OPCML: variants seen among roughly 807,000 people sequenced by gnomAD.
OPCML encodes the protein opioid binding protein/cell adhesion molecule like.
In OPCML, 13 loss-of-function variants were observed where a neutral mutation model predicts 37.8. The ratio of observed to expected loss-of-function variants is 0.34; its 90% CI spans 0.22 to 0.55. OPCML has a LOEUF of 0.55. OPCML is among the 20% of genes least tolerant of loss of function. The pLI, the probability that OPCML is intolerant of heterozygous loss-of-function variation, is 0.91. For missense variants in OPCML, 341 were observed against 435.6 expected, an observed-to-expected ratio of 0.78 and a Z score of 1.93; for synonymous variants, 176 against 168.8, an observed-to-expected ratio of 1.04 and a Z score of -0.33.
At chr11:132,738,246 A>G (rs1565821816) in intron 2 of OPCML, among the ~76,000 whole-genome samples, 1 of 152,218 alleles carries the variant, frequency 6.6e-6, no homozygotes, top group Admixed American at 6.5e-5. Context: ...ACTCATGTCT[A>G]TTCTTTTGCA....
intron 3 of OPCML, among the ~76,000 whole-genome samples, chr11:132,544,699 A>G (rs2096364859): frequency 6.6e-6 from 1 of 152,176 alleles, no homozygotes; most frequent in Non-Finnish European, 1.5e-5. Flanking sequence ...CAACTACAAA[A>G]GAAGGCCACT....
At chr11:132,501,141 A>T (rs996148449) in intron 4 of OPCML, among the ~76,000 whole-genome samples, 1 of 152,218 alleles carries the variant, frequency 6.6e-6, no homozygotes, top group Non-Finnish European at 1.5e-5. Context: ...CTGTCTTCCT[A>T]TTTAACAAAT....
intron 1 of OPCML, among the ~76,000 whole-genome samples, chr11:133,271,219 A>C (rs188652738): frequency 2.8e-4 from 42 of 152,336 alleles, no homozygotes; most frequent in African/African-American, 8.4e-4. Context: ...GAGATTAAAA[A>C]GGGTAACATA....
Position 133,420,283 on chromosome 11 carries a change from G to A in OPCML, c.61+111981C>T, listed in dbSNP as rs75972767. 0.016 allele frequency: 16,180 copies of A among 985,168 alleles called. 1,289 individuals are homozygous for A. The African/African-American group carries it at 0.21, about 13-fold the overall frequency. 61.0% of individuals were successfully genotyped at this position (985,168 alleles called of 1,614,324 possible). A position where few individuals can be genotyped will look rare whatever the true frequency, so the allele number is the denominator to read the frequency against. On this transcript the variant is annotated intron_variant, in intron 1 of 7. Transcript: ENST00000524381. ...CACAGATCCAAAGATACTCCTGAAC[G>A]TCTTTGGCACGAAGTGCAAATTAAT...
At chr11:132,920,709 C>T (rs1055123308) in intron 2 of OPCML, among the ~76,000 whole-genome samples, 1 of 152,190 alleles carries the variant, frequency 6.6e-6, no homozygotes, top group Non-Finnish European at 1.5e-5. Context: ...TAATCTTTCG[C>T]ACTCCCTGAA....
rs985840492 is a variant in OPCML at position 133,173,457 on chromosome 11, C to T, written c.62-230447G>A. 4.6e-5 allele frequency among the ~76,000 whole-genome samples: 7 copies of T among 152,124 alleles called. No individual in the cohort carries two copies. The highest frequency in any genetic ancestry group is 1.3e-4 in the Admixed American group (2 of 15,264). ...TCGAGTGAACAAATAAATAAATGAG[C>T]AACCACTAGCCACAGATGGATTCCT... On this transcript the variant is annotated intron_variant, in intron 1 of 7. Transcript: ENST00000524381. The surrounding 1 kb of genome is among the most constrained non-coding windows in gnomAD (Gnocchi z 7.8).
rs1251972899 is a variant in OPCML at position 133,305,228 on chromosome 11, G to A, written c.61+227036C>T. ...AGCAGGCACAGTGACTGTCTTAGAG[G>A]GATGTAATGAACACTTATTATTATA... On this transcript the variant is annotated intron_variant, in intron 1 of 7. Transcript: ENST00000524381. Among the ~76,000 whole-genome samples, 4 of 152,276 alleles carry A rather than the reference G, an allele frequency of 2.6e-5. No homozygotes were observed. The South Asian group carries it at 6.2e-4, about 24-fold the overall frequency.
At chr11:132,923,043 C>T (rs1000574216) in intron 2 of OPCML, among the ~76,000 whole-genome samples, 4 of 151,406 alleles carry the variant, frequency 2.6e-5, no homozygotes, top group African/African-American at 9.7e-5. Context: ...CACTGCACTC[C>T]AGCCTGGGTG....
At chr11:133,290,340 G>C (rs1942442287) in intron 1 of OPCML, among the ~76,000 whole-genome samples, 1 of 152,154 alleles carries the variant, frequency 6.6e-6, no homozygotes, top group Non-Finnish European at 1.5e-5. Flanking sequence ...GCAGAGCGTG[G>C]TGCCTGTAAT....
At chr11:132,962,812 T>G (rs1207469446) in intron 1 of OPCML, among the ~76,000 whole-genome samples, 3 of 152,178 alleles carry the variant, frequency 2.0e-5, no homozygotes, top group Non-Finnish European at 4.4e-5. Context: ...GTCTTTGCTG[T>G]TTTTCGTACA....
At chr11:132,963,539 C>A (rs1034985103) in intron 1 of OPCML, among the ~76,000 whole-genome samples, 3 of 151,232 alleles carry the variant, frequency 2.0e-5, no homozygotes, top group Non-Finnish European at 2.9e-5. Context: ...TTGCAGTGAG[C>A]CAAGATCGTG....
At chr11:133,050,545 G>A (rs2136964348) in intron 1 of OPCML, among the ~76,000 whole-genome samples, 1 of 152,172 alleles carries the variant, frequency 6.6e-6, no homozygotes, top group Middle Eastern at 3.4e-3. Context: ...AAATCAATAA[G>A]GAATAATGAG....
intron 3 of OPCML, among the ~76,000 whole-genome samples, chr11:132,557,282 C>A (rs961734731): frequency 1.3e-5 from 2 of 152,172 alleles, no homozygotes; most frequent in Admixed American, 6.5e-5. Flanking sequence ...TTCCAAGGTC[C>A]TTTCTCCTCA....
intron 1 of OPCML, among the ~76,000 whole-genome samples, chr11:133,157,567 T>A (rs1211066945): frequency 6.6e-6 from 1 of 152,198 alleles, no homozygotes; most frequent in African/African-American, 2.4e-5. Context: ...TTCCGCTTTT[T>A]CTCAGCTCCC....
At chr11:133,346,491 C>A (rs1381608202) in intron 1 of OPCML, among the ~76,000 whole-genome samples, 2 of 152,134 alleles carry the variant, frequency 1.3e-5, no homozygotes, top group African/African-American at 2.4e-5. Context: ...AATGCAAATG[C>A]AAATTTTGAA....
chr11:132,682,817 C>G (rs538173182), intron 2 of OPCML, among the ~76,000 whole-genome samples: 3 of 152,192 alleles, frequency 2.0e-5, no homozygotes, highest in Non-Finnish European at 2.9e-5. Context: ...CTTCACAATG[C>G]GTGACCCTCT....
At chr11:132,535,578 A>G (rs993470756) in intron 3 of OPCML, among the ~76,000 whole-genome samples, 8 of 152,152 alleles carry the variant, frequency 5.3e-5, no homozygotes, top group Admixed American at 5.2e-4. Context: ...GTTCTTGACA[A>G]CAGCTCTGAG....
intron 2 of OPCML, among the ~76,000 whole-genome samples, chr11:132,728,266 T>C (rs1944956353): frequency 6.6e-6 from 1 of 152,088 alleles, no homozygotes; most frequent in African/African-American, 2.4e-5. Context: ...GCTGAGAGTG[T>C]CCTGCCTGGG....
chr11:133,491,754 G>A (rs958165490), intron 1 of OPCML, among the ~76,000 whole-genome samples: 4 of 152,084 alleles, frequency 2.6e-5, no homozygotes, highest in East Asian at 1.9e-4. Flanking sequence ...AGAGAGAGTC[G>A]CTTCCAGCAC....
Sources: allele counts gnomAD v4.1 joint callset (sites outside exome capture counted in the v4.1 genomes callset), GRCh38; gene constraint gnomAD v4.1.1; non-coding constraint Gnocchi (gnomAD v3.1); transcripts MANE v1.5; gene names NCBI Gene and HGNC (gene_info 2026-07-23, HGNC 2026-07-21).